CASD1: variants seen among roughly 807,000 people sequenced by gnomAD.
The protein encoded by CASD1 is CAS1 domain sialic acid O acetyltransferase 1.
CASD1 carries 41 observed loss-of-function variants against 100.0 expected under a neutral mutation model. That is an observed-to-expected ratio of 0.41 (90% CI 0.32 to 0.53). The LOEUF (loss-of-function observed/expected upper bound fraction) is 0.53. Among genes scored for constraint, CASD1 ranks in the 20% least tolerant of loss-of-function variants. The probability of loss-of-function intolerance (pLI) is 0.25; values close to 1 mark genes in which losing one functional copy is unlikely to be tolerated. For synonymous variants in CASD1, 321 were observed against 315.6 expected (o/e 1.02, Z -0.18); for missense variants, 774 against 948.7 (o/e 0.82, Z 2.42).
At chr7:94,629,816 G>A in the CASD1 span, 3 of 1,610,144 alleles carry the variant, frequency 1.9e-6, no homozygotes, top group Admixed American at 3.3e-5. Flanking sequence ...TCCGATCGGA[G>A]TGTACCTTGG....
intron 1 of CASD1, among the ~76,000 whole-genome samples, chr7:94,514,889 C>T (rs980214819): frequency 3.3e-5 from 5 of 151,776 alleles, no homozygotes; most frequent in East Asian, 1.9e-4. Context: ...AAATAACAAC[C>T]GAAGTTTTGT....
At chr7:94,613,716 T>C in the CASD1 span, among the ~76,000 whole-genome samples, 1 of 152,236 alleles carries the variant, frequency 6.6e-6, no homozygotes, top group Admixed American at 6.5e-5. Context: ...CCAATGATTG[T>C]ATTTTTTCCT....
At position 94,556,892 on chromosome 7, in the gene CASD1, T is replaced by C. The variant is rs1184267620; in HGVS notation, c.*1134T>C. The C allele has an allele frequency of 2.0e-5, 3 of 152,032 alleles. No individual in the cohort carries two copies. Among genetic ancestry groups the C allele is most frequent in the Non-Finnish European group, 2.9e-5 (2 of 67,920 alleles). The allele number at this position is 152,032 out of a possible 1,614,324, so 9.4% of individuals were successfully genotyped here. Reference sequence around the variant, plus strand: ...TTGTTTGCTTTTACTATATGTGGGGTAAAATATATTTTCTGTTCACAGTAT... The same window carrying C: ...TTGTTTGCTTTTACTATATGTGGGGCAAAATATATTTTCTGTTCACAGTAT... On this transcript the variant is annotated 3_prime_UTR_variant, in exon 18 of 18. Coordinates refer to ENST00000297273, the MANE Select transcript of CASD1 (RefSeq NM_022900.5).
At chr7:94,615,427 G>T in the CASD1 span, among the ~76,000 whole-genome samples, 4 of 150,886 alleles carry the variant, frequency 2.7e-5, no homozygotes, top group Non-Finnish European at 4.4e-5. Flanking sequence ...GATAGATAAA[G>T]GGCAATTCTG....
At chr7:94,517,299 G>A (rs1159117633) in intron 1 of CASD1, among the ~76,000 whole-genome samples, 2 of 152,176 alleles carry the variant, frequency 1.3e-5, no homozygotes. Context: ...AAGAAAACCT[G>A]AAGCAGAAGG....
At chr7:94,537,939 A>C in intron 9 of CASD1, 45 bp downstream of exon 9, 64 of 1,039,768 alleles carry the variant, frequency 6.2e-5, no homozygotes, top group Non-Finnish European at 8.2e-5. Context: ...TTCTTGTCTC[A>C]TTACATACTC....
chr7:94,531,034 T>C (rs1183940755), intron 5 of CASD1, among the ~76,000 whole-genome samples: 1 of 152,114 alleles, frequency 6.6e-6, no homozygotes, highest in Non-Finnish European at 1.5e-5. Flanking sequence ...AAGCCCAAAT[T>C]CAAAACTTAA....
chr7:94,631,706 G>A, the CASD1 span, among the ~76,000 whole-genome samples: 988 of 151,954 alleles, frequency 6.5e-3, 9 homozygotes, highest in African/African-American at 0.023. Context: ...TAAATTTAAG[G>A]TAGGGGGAGG....
the CASD1 span, among the ~76,000 whole-genome samples, chr7:94,583,586 T>A: frequency 6.6e-6 from 1 of 152,174 alleles, no homozygotes; most frequent in South Asian, 2.1e-4. Flanking sequence ...AGAGAGGCTG[T>A]CATGTGTATG....
chr7:94,571,027 GTC>G, the CASD1 span, among the ~76,000 whole-genome samples: 19 of 147,332 alleles, frequency 1.3e-4, no homozygotes, highest in Non-Finnish European at 1.9e-4. Context: ...ATCTGGAAAT[GTC>G]TTAAATTCTC....
intron 14 of CASD1, among the ~76,000 whole-genome samples, chr7:94,551,109 A>G (rs1427609009): frequency 2.0e-5 from 3 of 152,126 alleles, no homozygotes. Flanking sequence ...AACCAGTGTT[A>G]TCTCATATTG....
At chr7:94,529,994 T>C (rs1464439741) in intron 5 of CASD1, among the ~76,000 whole-genome samples, 1 of 152,186 alleles carries the variant, frequency 6.6e-6, no homozygotes, top group African/African-American at 2.4e-5. Flanking sequence ...GATATTTCTA[T>C]ATTCTAGGCA....
At chr7:94,620,505 C>T in the CASD1 span, 633 of 152,184 alleles carry the variant, frequency 4.2e-3, 3 homozygotes, top group African/African-American at 0.014. Flanking sequence ...AATCATGCTA[C>T]ATTTATCTGC....
chr7:94,631,489 A>C, the CASD1 span, among the ~76,000 whole-genome samples: 4 of 151,890 alleles, frequency 2.6e-5, no homozygotes, highest in Non-Finnish European at 4.4e-5. Context: ...ATATGGGAGG[A>C]GCAATTAAGG....
the CASD1 span, chr7:94,589,990 A>C: frequency 6.6e-6 from 1 of 152,266 alleles, no homozygotes; most frequent in East Asian, 1.9e-4. Context: ...CACAAATCTG[A>C]TTATGTCATT....
the CASD1 span, among the ~76,000 whole-genome samples, chr7:94,615,146 G>C: frequency 1.3e-5 from 2 of 152,134 alleles, no homozygotes; most frequent in Non-Finnish European, 2.9e-5. Flanking sequence ...GGATCATGTG[G>C]TCAGGAGTTC....
chr7:94,598,914 G>C, the CASD1 span: 1 of 1,613,832 alleles, frequency 6.2e-7, no homozygotes, highest in South Asian at 1.1e-5. Flanking sequence ...GACATGTCTC[G>C]AAGCTCCTTG....
the CASD1 span, among the ~76,000 whole-genome samples, chr7:94,601,384 G>A: frequency 1.5e-5 from 2 of 133,968 alleles, no homozygotes; most frequent in African/African-American, 5.8e-5. Flanking sequence ...TAACTTTTAT[G>A]GAAGATAGTC....
chr7:94,599,499 C>A, the CASD1 span: 2 of 581,852 alleles, frequency 3.4e-6, no homozygotes, highest in Non-Finnish European at 6.1e-6. Context: ...TCTGTGTAAT[C>A]TTAGTTTTCA....
Sources: allele counts gnomAD v4.1 joint callset (sites outside exome capture counted in the v4.1 genomes callset), GRCh38; gene constraint gnomAD v4.1.1; transcripts MANE v1.5; gene names NCBI Gene and HGNC (gene_info 2026-07-23, HGNC 2026-07-21).